Variants in LPP observed in about 807,000 individuals in gnomAD.
LPP encodes LIM domain containing preferred translocation partner in lipoma.
In LPP, 38 loss-of-function variants were observed where a neutral mutation model predicts 60.4. The observed-to-expected ratio is 0.63, with a 90% CI of 0.49 to 0.83. LPP has a LOEUF of 0.83. Ranked by LOEUF, LPP falls within the 40% of genes least tolerant of loss-of-function variation. The pLI, the probability that LPP is intolerant of heterozygous loss-of-function variation, is 0.00. For synonymous variants in LPP, 328 were observed against 290.8 expected, an observed-to-expected ratio of 1.13 and a Z score of -1.30; for missense variants, 902 against 783.6, an observed-to-expected ratio of 1.15 and a Z score of -1.80.
At chr3:188,231,651 G>T (rs1483586700) in intron 2 of LPP, among the ~76,000 whole-genome samples, 1 of 151,740 alleles carries the variant, frequency 6.6e-6, no homozygotes, top group East Asian at 2.0e-4. Context: ...CAGAGCCAGC[G>T]GTAGTCAAGG....
intron 7 of LPP, among the ~76,000 whole-genome samples, chr3:188,613,306 A>ATC (rs1560644023): frequency 5.4e-5 from 8 of 147,744 alleles, no homozygotes; most frequent in Admixed American, 1.3e-4. Flanking sequence ...ATCTATATCT[A>ATC]TATCTATATA....
At chr3:188,864,936 G>A (rs1047122484) in intron 9 of LPP, among the ~76,000 whole-genome samples, 5 of 152,174 alleles carry the variant, frequency 3.3e-5, no homozygotes, top group African/African-American at 1.2e-4. Flanking sequence ...CCAAATCATA[G>A]GTCATTGCTA....
chr3:188,760,753 ATT>A (rs1241640147), intron 9 of LPP, among the ~76,000 whole-genome samples: 1 of 152,124 alleles, frequency 6.6e-6, no homozygotes, highest in Non-Finnish European at 1.5e-5. Context: ...CTTTGAGTCC[ATT>A]TTTATCTACC....
intron 3 of LPP, among the ~76,000 whole-genome samples, chr3:188,342,697 A>G (rs1371732032): frequency 6.6e-6 from 1 of 152,168 alleles, no homozygotes; most frequent in African/African-American, 2.4e-5. Flanking sequence ...ACCTTTGAGA[A>G]GAATAAAATT....
chr3:188,481,432 T>A (rs1467169837), intron 4 of LPP, among the ~76,000 whole-genome samples: 1 of 152,198 alleles, frequency 6.6e-6, no homozygotes, highest in African/African-American at 2.4e-5. Flanking sequence ...CTTTTCATGC[T>A]TAGAATATAG....
intron 8 of LPP, among the ~76,000 whole-genome samples, chr3:188,717,689 G>C (rs1347564829): frequency 1.3e-5 from 2 of 152,044 alleles, no homozygotes; most frequent in African/African-American, 4.8e-5. Flanking sequence ...TTCTTTTGTG[G>C]TAGTGACTTC....
chr3:188,577,175 C>G (rs577102121), intron 6 of LPP, among the ~76,000 whole-genome samples: 39 of 152,264 alleles, frequency 2.6e-4, no homozygotes, highest in African/African-American at 8.9e-4. Flanking sequence ...ATTTGTAAGA[C>G]TTAATCTGAA....
intron 2 of LPP, among the ~76,000 whole-genome samples, chr3:188,326,903 A>G (rs1758572410): frequency 6.6e-6 from 1 of 152,030 alleles, no homozygotes; most frequent in Admixed American, 6.6e-5. Context: ...ATTTTTCCTC[A>G]ATCTCAATTC....
At chr3:188,787,674 G>A (rs1023020001) in intron 9 of LPP, among the ~76,000 whole-genome samples, 1 of 152,122 alleles carries the variant, frequency 6.6e-6, no homozygotes, top group East Asian at 1.9e-4. Context: ...TACACTCTGG[G>A]TTTTCTTCCT....
In LPP at chr3:188,885,316, G is replaced by A. The variant is rs1484940900; in HGVS notation, c.*10837G>A. 3 of 196,418 alleles carry A rather than the reference G, an allele frequency of 1.5e-5. No individual in the cohort carries two copies. The highest frequency in any genetic ancestry group is 4.6e-5 in the African/African-American group (2 of 43,258). The allele number at this position is 196,418 out of a possible 1,614,324, so 12.2% of individuals were successfully genotyped here. On this transcript the variant is annotated 3_prime_UTR_variant, in exon 12 of 12. Coordinates refer to ENST00000617246, the MANE Select transcript of LPP (RefSeq NM_001375462.1). ...TCCCTGGAGTGTTATCATCCATCAAGCCAGTATCATCATCCACCTGCTTAT... is the reference window on the plus strand; with the variant it reads ...TCCCTGGAGTGTTATCATCCATCAAACCAGTATCATCATCCACCTGCTTAT...
At chr3:188,768,291 C>T (rs1249686214) in intron 9 of LPP, among the ~76,000 whole-genome samples, 3 of 152,126 alleles carry the variant, frequency 2.0e-5, no homozygotes, top group Non-Finnish European at 4.4e-5. Context: ...CTTACCAAAT[C>T]ATTTTATAAA....
chr3:188,465,317 A>G (rs1800112248), intron 4 of LPP, among the ~76,000 whole-genome samples: 1 of 152,104 alleles, frequency 6.6e-6, no homozygotes, highest in Admixed American at 6.6e-5. Flanking sequence ...TGGGATTAAT[A>G]TGAGAAATTC....
intron 4 of LPP, among the ~76,000 whole-genome samples, chr3:188,419,217 A>G (rs1049305514): frequency 2.6e-5 from 4 of 152,300 alleles, no homozygotes; most frequent in African/African-American, 4.8e-5. Flanking sequence ...ATTCACTTCC[A>G]TCTTGTGCCA....
intron 4 of LPP, among the ~76,000 whole-genome samples, chr3:188,448,410 A>ATATC (rs1553901472): frequency 6.3e-5 from 2 of 31,514 alleles, no homozygotes; most frequent in Non-Finnish European, 1.6e-4. Flanking sequence ...TTAGATAAAG[A>ATATC]TATCTATATT....
chr3:188,187,564 C>T (rs1726967746), intron 1 of LPP, among the ~76,000 whole-genome samples: 1 of 151,870 alleles, frequency 6.6e-6, no homozygotes, highest in Non-Finnish European at 1.5e-5. Context: ...CTTATGTATT[C>T]TGTCGTTCTC....
At chr3:188,750,906 C>G (rs1175691753) in intron 8 of LPP, among the ~76,000 whole-genome samples, 2 of 152,146 alleles carry the variant, frequency 1.3e-5, no homozygotes, top group Non-Finnish European at 2.9e-5. Flanking sequence ...TCTGATCTAA[C>G]TTTACATGGT....
chr3:188,554,607 C>G (rs548096375), intron 6 of LPP, among the ~76,000 whole-genome samples: 1 of 152,306 alleles, frequency 6.6e-6, no homozygotes, highest in Non-Finnish European at 1.5e-5. Flanking sequence ...TCCAGCACAG[C>G]TGCCTCCCAA....
intron 7 of LPP, among the ~76,000 whole-genome samples, chr3:188,640,351 C>T (rs1197304698): frequency 1.6e-5 from 2 of 128,666 alleles, no homozygotes; most frequent in Non-Finnish European, 3.1e-5. Flanking sequence ...GGGAACATCA[C>T]ACTCTGGGGA....
intron 7 of LPP, among the ~76,000 whole-genome samples, chr3:188,705,031 T>C (rs1451496786): frequency 6.6e-6 from 1 of 152,202 alleles, no homozygotes; most frequent in Non-Finnish European, 1.5e-5. Context: ...TCACTTGGCC[T>C]GGGTTGGAAG....
Sources: allele counts gnomAD v4.1 joint callset (sites outside exome capture counted in the v4.1 genomes callset), GRCh38; gene constraint gnomAD v4.1.1; transcripts MANE v1.5; gene names NCBI Gene and HGNC (gene_info 2026-07-23, HGNC 2026-07-21).